SESTD1: variants seen among roughly 807,000 people sequenced by gnomAD.
The protein encoded by SESTD1 is SEC14 and spectrin domain containing 1, also known as SEC14 domain and spectrin repeat-containing protein 1.
Under a neutral mutation model 101.7 loss-of-function variants are expected in SESTD1, and 43 were observed. That is an observed-to-expected ratio of 0.42 (90% confidence interval 0.33 to 0.55). The LOEUF (loss-of-function observed/expected upper bound fraction) is 0.55. Among genes scored for constraint, SESTD1 ranks in the 20% least tolerant of loss-of-function variants. The probability of loss-of-function intolerance (pLI) is 0.07; values close to 1 mark genes in which losing one functional copy is unlikely to be tolerated. For missense variants in SESTD1, 647 were observed against 815.1 expected, an observed-to-expected ratio of 0.79 and a Z score of 2.51; for synonymous variants, 283 against 286.8, an observed-to-expected ratio of 0.99 and a Z score of 0.13.
chr2:179,171,918 A>C (rs994007714), intron 5 of SESTD1, among the ~76,000 whole-genome samples: 1 of 152,202 alleles, frequency 6.6e-6, no homozygotes, highest in Non-Finnish European at 1.5e-5. Flanking sequence ...GGAAAACAAG[A>C]AAGCTTTCAT....
intron 5 of SESTD1, among the ~76,000 whole-genome samples, chr2:179,171,685 A>G (rs1031666543): frequency 6.6e-6 from 1 of 152,200 alleles, no homozygotes; most frequent in Non-Finnish European, 1.5e-5. Context: ...AGAAATAAAA[A>G]GTCAGTAGGA....
At chr2:179,179,263 C>A (rs2046066283) in intron 3 of SESTD1, among the ~76,000 whole-genome samples, 1 of 152,080 alleles carries the variant, frequency 6.6e-6, no homozygotes, top group African/African-American at 2.4e-5. Flanking sequence ...TTCCTATAGC[C>A]ACTGTTAGCA....
chr2:179,115,793 CCTT>C (rs141227211), intron 15 of SESTD1, among the ~76,000 whole-genome samples: 2,220 of 152,164 alleles, frequency 0.015, 123 homozygotes, highest in East Asian at 0.1. Context: ...AAAAAAGTCT[CCTT>C]CTGTTAGGCT....
chr2:179,149,156 C>T, intron 7 of SESTD1, 141 bp downstream of exon 7: 1 of 444,720 alleles, frequency 2.2e-6, no homozygotes, highest in Non-Finnish European at 3.9e-6. Context: ...TTCAAATTCT[C>T]ACGAATATTG....
rs549548014 is a variant in SESTD1 at position 179,148,876 on chromosome 2, T to C, written c.581+421A>G. Among the ~76,000 whole-genome samples, 5 of 151,608 alleles carry C rather than the reference T, an allele frequency of 3.3e-5. No homozygotes were observed. The East Asian group carries it at 9.7e-4, about 30-fold the overall frequency. On this transcript the variant is annotated intron_variant, in intron 7 of 17. Transcript: ENST00000428443. ...GAGATCGAGACCATTCTGGGTAACA[T>C]GGTGAAACGCCGTCTTTATTAAAAA...
In SESTD1 at chr2:179,149,492, T is replaced by C. The variant is rs969947678; in HGVS notation, c.484-98A>G. ...GAGTAATAGAATTGGCCAGCTAGGA[T>C]ATGTTTTCCTTCCCCAGCAGTTCGT... is the stretch of plus-strand genomic sequence containing the variant. On this transcript the variant is annotated intron_variant, in intron 6 of 17. Transcript: ENST00000428443. 1.1e-5 allele frequency: 8 copies of C among 752,002 alleles called. No homozygotes were observed. The Admixed American group carries it at 2.6e-4, about 25-fold the overall frequency. 46.6% of individuals were successfully genotyped at this position (752,002 alleles called of 1,614,324 possible). A position where few individuals can be genotyped will look rare whatever the true frequency, so the allele number is the denominator to read the frequency against.
intron 13 of SESTD1, among the ~76,000 whole-genome samples, chr2:179,119,587 A>G (rs1189552355): frequency 1.3e-5 from 2 of 152,116 alleles, no homozygotes; most frequent in African/African-American, 4.8e-5. Flanking sequence ...CAGCCCTGCA[A>G]AGCTGTGAGT....
intron 1 of SESTD1, among the ~76,000 whole-genome samples, chr2:179,254,296 A>T (rs992057500): frequency 6.6e-6 from 1 of 152,164 alleles, no homozygotes; most frequent in Non-Finnish European, 1.5e-5. Flanking sequence ...CCATCTATCC[A>T]TTAAGGCTTT....
intron 1 of SESTD1, among the ~76,000 whole-genome samples, chr2:179,198,388 C>T (rs1241970672): frequency 6.6e-6 from 1 of 152,164 alleles, no homozygotes; most frequent in Non-Finnish European, 1.5e-5. Context: ...CAACATTAGA[C>T]AGATCAATGA....
intron 5 of SESTD1, among the ~76,000 whole-genome samples, chr2:179,158,874 A>G: frequency 6.6e-6 from 1 of 152,230 alleles, no homozygotes; most frequent in Non-Finnish European, 1.5e-5. Flanking sequence ...GAAAAGCAAC[A>G]GTTTACACAA....
At chr2:179,141,888 AG>A (rs146498883) in intron 9 of SESTD1, among the ~76,000 whole-genome samples, 8,679 of 152,304 alleles carry the variant, frequency 0.057, 307 homozygotes, top group South Asian at 0.11. Context: ...CCATGGAAAA[AG>A]CCACATACAA....
chr2:179,107,941 G>A lies in SESTD1; in HGVS notation c.*1958C>T, dbSNP rs2044421238. ...CAAGTATAGAAAGAACTTCCTGGAT[G>A]TTCTCAGAAGCAGTGACCACATAAG... On this transcript the variant is annotated 3_prime_UTR_variant, in exon 18 of 18. Coordinates refer to ENST00000428443, the MANE Select transcript of SESTD1 (RefSeq NM_178123.5). 1 of 152,172 alleles carries A rather than the reference G, an allele frequency of 6.6e-6. No homozygotes were observed. Among genetic ancestry groups the A allele is most frequent in the South Asian group, 2.1e-4 (1 of 4,828 alleles). The allele number at this position is 152,172 out of a possible 1,614,324, so 9.4% of individuals were successfully genotyped here.
chr2:179,250,227 AGACAACTCATC>A (rs1265421077), intron 1 of SESTD1, among the ~76,000 whole-genome samples: 1 of 152,228 alleles, frequency 6.6e-6, no homozygotes, highest in South Asian at 2.1e-4. Flanking sequence ...AGTCACAAAC[AGACAACTCATC>A]AAAGAGGATA....
chr2:179,250,631 T>C (rs1429057064), intron 1 of SESTD1, among the ~76,000 whole-genome samples: 1 of 152,156 alleles, frequency 6.6e-6, no homozygotes, highest in Non-Finnish European at 1.5e-5. Context: ...TGTCCAAATT[T>C]CTTCTTTTAA....
intron 13 of SESTD1, among the ~76,000 whole-genome samples, chr2:179,118,550 CTT>C (rs200391760): frequency 8.6e-5 from 13 of 151,208 alleles, no homozygotes; most frequent in East Asian, 7.8e-4. Flanking sequence ...TATCACAAGG[CTT>C]TTTTTTAAAA....
intron 1 of SESTD1, among the ~76,000 whole-genome samples, chr2:179,231,042 G>T (rs78121669): frequency 1.3e-5 from 2 of 152,106 alleles, no homozygotes; most frequent in Non-Finnish European, 2.9e-5. Context: ...TATAAAAAGG[G>T]AAAGTGTGAA....
intron 4 of SESTD1, among the ~76,000 whole-genome samples, chr2:179,172,755 A>G (rs1400871885): frequency 1.3e-5 from 2 of 152,222 alleles, no homozygotes; most frequent in African/African-American, 4.8e-5. Context: ...TTTCACATTT[A>G]CTTGATATGG....
chr2:179,192,810 CTT>C (rs2046337449), intron 1 of SESTD1, among the ~76,000 whole-genome samples: 1 of 152,184 alleles, frequency 6.6e-6, no homozygotes, highest in Admixed American at 6.5e-5. Flanking sequence ...CTATTATCCT[CTT>C]ATACTCATGT....
At chr2:179,201,300 T>A (rs1196936423) in intron 1 of SESTD1, among the ~76,000 whole-genome samples, 3 of 128,038 alleles carry the variant, frequency 2.3e-5, no homozygotes, top group African/African-American at 1.0e-4. Context: ...TGTGGAGAAA[T>A]AGGAACACTT....
Sources: allele counts gnomAD v4.1 joint callset (sites outside exome capture counted in the v4.1 genomes callset), GRCh38; gene constraint gnomAD v4.1.1; transcripts MANE v1.5; gene names NCBI Gene and HGNC (gene_info 2026-07-23, HGNC 2026-07-21).